Variants in PALB2 observed in about 807,000 individuals in gnomAD.
The protein encoded by PALB2 is partner and localizer of BRCA2.
In PALB2, 82 loss-of-function variants were observed where a neutral mutation model predicts 107.4. That is an observed-to-expected ratio of 0.76 (90% confidence interval 0.64 to 0.92). PALB2 has a LOEUF of 0.92. Ranked by LOEUF, PALB2 falls within the 40% of genes least tolerant of loss-of-function variation. The probability of loss-of-function intolerance (pLI) is 0.00; values close to 1 mark genes in which losing one functional copy is unlikely to be tolerated. For synonymous variants in PALB2, 489 were observed against 496.8 expected, an observed-to-expected ratio of 0.98 and a Z score of 0.21; for missense variants, 1,374 against 1,379.9, an observed-to-expected ratio of 1.00 and a Z score of 0.07.
intron 12 of PALB2, among the ~76,000 whole-genome samples, chr16:23,604,951 G>A (rs1966440540): frequency 6.6e-6 from 1 of 151,948 alleles, no homozygotes; most frequent in African/African-American, 2.4e-5. Flanking sequence ...GCACGTGCCT[G>A]TAATCCCAGC....
At position 23,636,249 on chromosome 16, in the gene PALB2, T is replaced by C. The variant is rs1057523513; in HGVS notation, c.297A>G (p.Thr99=). 1 of 1,613,824 alleles carries C rather than the reference T, an allele frequency of 6.2e-7. No individual in the cohort carries two copies. The highest frequency in any genetic ancestry group is 8.5e-7 in the Non-Finnish European group (1 of 1,179,880). The change falls in exon 4 of 13, where the codon ACA becomes ACG. Residue 99 remains threonine (T), a synonymous_variant. Coordinates refer to ENST00000261584, the MANE Select transcript of PALB2 (RefSeq NM_024675.4). The part of the protein sequence containing the change: ...DEETGEKTSI[T]LDVGPESFNP... ...TAAAGGACTCAGGCCCAACATCAAGTGTGATAGATGTCTTTTCTCCAGTTT... is the reference window on the plus strand; with the variant it reads ...TAAAGGACTCAGGCCCAACATCAAGCGTGATAGATGTCTTTTCTCCAGTTT...
At chr16:23,639,564 A>G (rs1967157607) in intron 1 of PALB2, among the ~76,000 whole-genome samples, 1 of 149,972 alleles carries the variant, frequency 6.7e-6, no homozygotes, top group Non-Finnish European at 1.5e-5. Flanking sequence ...TCACACCTGT[A>G]ATCCCAGCAC....
rs770987416 is a variant in PALB2 at position 23,603,675 on chromosome 16, A to G, written c.3351-6T>C. 49 of 1,612,342 alleles carry G rather than the reference A, an allele frequency of 3.0e-5. No individual in the cohort carries two copies. The highest frequency in any genetic ancestry group is 4.1e-5 in the Non-Finnish European group (48 of 1,178,560). ...TCACGTCACCTTCCAGGAACCTGAT[A>G]GCATACAAAGAAGATATAATTCAGA... On this transcript the variant is annotated splice_polypyrimidine_tract_variant and splice_region_variant and intron_variant, in intron 12 of 12. Transcript: ENST00000261584.
rs152451 is a variant in PALB2 at position 23,634,870 on chromosome 16, T to C, written c.1676A>G (p.Gln559Arg). 0.098 allele frequency: 158,402 copies of C among 1,613,096 alleles called. 8,861 individuals are homozygous for C. Among genetic ancestry groups the C allele is most frequent in the African/African-American group, 0.22 (16,166 of 74,894 alleles). ...AACACATCTTGATTTACCTTTCACT[T>C]GAATAAATAATTTTTCGTGCTGATA... is the stretch of plus-strand genomic sequence containing the variant. The part of the protein sequence containing the change: ...HKYQHEKLFI[Q>R]VKGKKSRHQK... The change falls in exon 4 of 13, where the codon CAA (glutamine) becomes CGA (arginine). Residue 559 changes from glutamine to arginine, a missense_variant. Transcript: ENST00000261584.
At chr16:23,620,909 C>A (rs1431578382) in intron 10 of PALB2, among the ~76,000 whole-genome samples, 1 of 152,028 alleles carries the variant, frequency 6.6e-6, no homozygotes, top group African/African-American at 2.4e-5. Context: ...CCCTTCTCTA[C>A]TAAAAAATAC....
In PALB2 at chr16:23,629,213, T is replaced by C. The variant is rs1567216795; in HGVS notation, c.2577A>G (p.Ser859=). 1 of 1,612,698 alleles carries C rather than the reference T, an allele frequency of 6.2e-7. No individual in the cohort carries two copies. The highest frequency in any genetic ancestry group is 8.5e-7 in the Non-Finnish European group (1 of 1,178,984). The change falls in exon 6 of 13, where the codon TCA becomes TCG. Residue 859 remains serine (S), a synonymous_variant. Coordinates refer to ENST00000261584, the MANE Select transcript of PALB2 (RefSeq NM_024675.4). ...SINPGNLQLV[S]ELKNPSGSCS... The stretch of plus-strand genomic sequence containing the variant: ...AGAATATTCTTCTGACCTTTAACTC[T>C]GAAACCAATTGTAGGTTGCCTGGGT...
chr16:23,620,446 C>A (rs1286577991), intron 10 of PALB2, among the ~76,000 whole-genome samples: 1 of 152,152 alleles, frequency 6.6e-6, no homozygotes, highest in East Asian at 1.9e-4. Flanking sequence ...GTGGGCCTTG[C>A]CCCCTAGCTT....
At chr16:23,616,599 T>C (rs1966688298) in intron 10 of PALB2, among the ~76,000 whole-genome samples, 2 of 152,050 alleles carry the variant, frequency 1.3e-5, no homozygotes, top group Admixed American at 6.6e-5. Flanking sequence ...ATAGGGGCCC[T>C]GGGACCAGGA....
intron 10 of PALB2, among the ~76,000 whole-genome samples, chr16:23,615,426 C>T (rs1966668513): frequency 6.6e-6 from 1 of 151,130 alleles, no homozygotes; most frequent in South Asian, 2.1e-4. Context: ...CACCTCACTG[C>T]CCCAAGTAGT....
At chr16:23,625,334 A>G (rs1966840286) in intron 7 of PALB2, among the ~76,000 whole-genome samples, 1 of 151,998 alleles carries the variant, frequency 6.6e-6, no homozygotes, top group African/African-American at 2.4e-5. Context: ...CTCTCTCTCC[A>G]AAAACAAACA....
At position 23,622,955 on chromosome 16, in the gene PALB2, A is replaced by C. The variant is rs1407045774; in HGVS notation, c.2996+14T>G. ...TTCATCTAATAGTTAAAAATCAATCAATGCTTTTCTTACCCTCCATCTTCT... is the reference window on the plus strand; with the variant it reads ...TTCATCTAATAGTTAAAAATCAATCCATGCTTTTCTTACCCTCCATCTTCT... On this transcript the variant is annotated intron_variant, in intron 9 of 12. Coordinates refer to ENST00000261584, the MANE Select transcript of PALB2 (RefSeq NM_024675.4). 1.9e-6 allele frequency: 3 copies of C among 1,613,882 alleles called. No individual in the cohort carries two copies. The highest frequency in any genetic ancestry group is 2.5e-6 in the Non-Finnish European group (3 of 1,179,878).
At chr16:23,614,948 C>G (rs1287004616) in intron 10 of PALB2, among the ~76,000 whole-genome samples, 1 of 137,208 alleles carries the variant, frequency 7.3e-6, no homozygotes, top group Admixed American at 7.6e-5. Flanking sequence ...CCGCGCCTGG[C>G]CTTTTTTTTT....
In PALB2 at chr16:23,636,332, G is replaced by A. The variant is rs2142448436; in HGVS notation, c.214C>T (p.Pro72Ser). 6.3e-7 allele frequency: 1 copy of A among 1,592,488 alleles called. No individual in the cohort carries two copies. The highest frequency in any genetic ancestry group is 2.3e-5 in the East Asian group (1 of 44,260). The change falls in exon 4 of 13, where the codon CCT (proline) becomes TCT (serine). Residue 72 changes from proline to serine, a missense_variant and splice_region_variant. Pro to Ser is a moderately conservative substitution (Grantham distance 74). Transcript: ENST00000261584. The stretch of plus-strand genomic sequence containing the variant: ...TCATAAACACATATTTTATTTTTAG[G>A]TTCTGAGGAGGAAAAAAATGTATAT... ...DLSPQLKHSE[P>S]KNKICVYDKL...
intron 4 of PALB2, among the ~76,000 whole-genome samples, chr16:23,631,694 C>T (rs1966879393): frequency 6.6e-6 from 1 of 152,156 alleles, no homozygotes; most frequent in South Asian, 2.1e-4. Context: ...CATTGTCTCT[C>T]ATAAGGGAAA....
rs192327609 is a variant in PALB2, at chr16:23,632,316, C to T, written c.1685-1847G>A. ...AAAATTACCCAGGCATGGTGGCAGG[C>T]GCCTGTAATCTCAGCTACTCAGGAG... On this transcript the variant is annotated intron_variant, in intron 4 of 12. Transcript: ENST00000261584. Among the ~76,000 whole-genome samples the T allele has an allele frequency of 3.6e-4, 54 of 152,070 alleles. No individual in the cohort carries two copies. The South Asian group carries it at 6.9e-3, about 19-fold the overall frequency.
intron 11 of PALB2, among the ~76,000 whole-genome samples, chr16:23,613,470 C>T (rs1003564552): frequency 1.3e-5 from 2 of 151,964 alleles, no homozygotes; most frequent in Non-Finnish European, 2.9e-5. Context: ...ATGGCAAAAC[C>T]CCATCTCTAC....
At chr16:23,616,462 T>C (rs778257514) in intron 10 of PALB2, among the ~76,000 whole-genome samples, 1 of 152,218 alleles carries the variant, frequency 6.6e-6, no homozygotes, top group African/African-American at 2.4e-5. Context: ...GTTTCATACA[T>C]GGTCTGTATT....
In PALB2 at chr16:23,626,351, T is replaced by G; in HGVS notation, c.2633A>C (p.Glu878Ala). 6.2e-7 allele frequency: 1 copy of G among 1,614,190 alleles called. No homozygotes were observed. Among genetic ancestry groups the G allele is most frequent in the Non-Finnish European group, 8.5e-7 (1 of 1,180,042 alleles). ...CSVDVSAMFW[E>A]RAGCKEPCII... The stretch of plus-strand genomic sequence containing the variant: ...ACATGGCTCTTTACAACCGGCTCTT[T>G]CCCAAAACATGGCACTCACATCTAC... Residue 878 changes from glutamate (E) to alanine (A), a missense_variant, in exon 7 of 13, where the codon GAA becomes GCA. Transcript: ENST00000261584.
intron 4 of PALB2, among the ~76,000 whole-genome samples, chr16:23,632,049 C>T (rs555738738): frequency 1.3e-5 from 2 of 152,264 alleles, no homozygotes; most frequent in African/African-American, 4.8e-5. Context: ...ATGATGAATG[C>T]ATAAACAAAC....
Sources: allele counts gnomAD v4.1 joint callset (sites outside exome capture counted in the v4.1 genomes callset), GRCh38; gene constraint gnomAD v4.1.1; transcripts MANE v1.5; gene names NCBI Gene and HGNC (gene_info 2026-07-23, HGNC 2026-07-21).